The following ZCCHC7 variants were observed in gnomAD, a reference collection of about 807,000 sequenced individuals.
ZCCHC7 encodes the protein zinc finger CCHC-type containing 7, also known as zinc finger CCHC domain-containing protein 7.
In ZCCHC7, 35 loss-of-function variants were observed where a neutral mutation model predicts 52.0. The observed-to-expected ratio is 0.67, with a 90% CI of 0.51 to 0.89. ZCCHC7 has a LOEUF of 0.89. Ranked by LOEUF, ZCCHC7 falls within the 40% of genes least tolerant of loss-of-function variation. The pLI is 0.00. For missense variants in ZCCHC7, 574 were observed against 649.1 expected (o/e 0.88, Z 1.26); for synonymous variants, 217 against 221.5 (o/e 0.98, Z 0.18).
chr9:37,174,078 G>A (rs1821883734), intron 2 of ZCCHC7, among the ~76,000 whole-genome samples: 1 of 152,186 alleles, frequency 6.6e-6, no homozygotes, highest in African/African-American at 2.4e-5. Flanking sequence ...TTGGGAGGCT[G>A]AGGCGGGCAG....
At chr9:37,212,510 C>T (rs1364023593) in intron 2 of ZCCHC7, among the ~76,000 whole-genome samples, 1 of 151,918 alleles carries the variant, frequency 6.6e-6, no homozygotes, top group African/African-American at 2.4e-5. Context: ...CTTTCTTTTT[C>T]TCTTTCTCTT....
At chr9:37,160,583 G>C (rs1047708171) in intron 2 of ZCCHC7, among the ~76,000 whole-genome samples, 16 of 152,188 alleles carry the variant, frequency 1.1e-4, no homozygotes, top group African/African-American at 3.6e-4. Flanking sequence ...CCCAAATCTA[G>C]TTGTATGTCA....
At chr9:37,289,494 A>AC (rs1191473213) in intron 2 of ZCCHC7, among the ~76,000 whole-genome samples, 2 of 152,088 alleles carry the variant, frequency 1.3e-5, no homozygotes, top group East Asian at 3.9e-4. Context: ...TATTAGCTTT[A>AC]CCTCCAGATT....
chr9:37,198,487 C>T (rs1428405702), intron 2 of ZCCHC7, among the ~76,000 whole-genome samples: 1 of 152,224 alleles, frequency 6.6e-6, no homozygotes, highest in East Asian at 1.9e-4. Flanking sequence ...GTTATCCCTT[C>T]CTCTGAGCCT....
intron 2 of ZCCHC7, among the ~76,000 whole-genome samples, chr9:37,184,505 T>G (rs1354149965): frequency 1.3e-5 from 2 of 152,138 alleles, no homozygotes; most frequent in East Asian, 1.9e-4. Context: ...TCTCCTGATC[T>G]CTTATCCTGA....
chr9:37,198,609 G>A (rs191704119), intron 2 of ZCCHC7, among the ~76,000 whole-genome samples: 1 of 152,302 alleles, frequency 6.6e-6, no homozygotes, highest in East Asian at 1.9e-4. Context: ...AGTGGAAAGT[G>A]TTAGGTGCCA....
chr9:37,228,293 A>G (rs1239286476), intron 2 of ZCCHC7, among the ~76,000 whole-genome samples: 1 of 152,204 alleles, frequency 6.6e-6, no homozygotes, highest in Non-Finnish European at 1.5e-5. Flanking sequence ...CTGTACCTTA[A>G]TTGTGTAGAT....
intron 6 of ZCCHC7, among the ~76,000 whole-genome samples, chr9:37,337,313 G>A (rs1200279745): frequency 6.6e-6 from 1 of 151,236 alleles, no homozygotes; most frequent in Non-Finnish European, 1.5e-5. Flanking sequence ...ATTTTGAAGA[G>A]ACTTATTCTC....
intron 2 of ZCCHC7, among the ~76,000 whole-genome samples, chr9:37,265,535 T>C (rs1021065916): frequency 5.3e-5 from 8 of 152,224 alleles, no homozygotes; most frequent in African/African-American, 1.7e-4. Flanking sequence ...CTTGTTTATG[T>C]TTCTCTGAAA....
intron 2 of ZCCHC7, among the ~76,000 whole-genome samples, chr9:37,240,058 T>A (rs571770760): frequency 5.3e-5 from 8 of 152,024 alleles, no homozygotes; most frequent in Admixed American, 2.0e-4. Flanking sequence ...AGAATAATGA[T>A]CAACATAAAA....
intron 2 of ZCCHC7, among the ~76,000 whole-genome samples, chr9:37,128,687 T>G (rs183462438): frequency 2.6e-5 from 4 of 152,348 alleles, no homozygotes; most frequent in Non-Finnish European, 4.4e-5. Context: ...CTGAAGGCTC[T>G]TAAGTTGGAA....
In ZCCHC7 at chr9:37,189,225, A is replaced by G. The variant is rs569459463; in HGVS notation, c.610+62283A>G. ...GTGGCTTTAAAGTCTTGGTCAGATA[A>G]ATCCATCATCTGCATTATTTCAGTG... On this transcript the variant is annotated intron_variant, in intron 2 of 8. Transcript: ENST00000336755. Among the ~76,000 whole-genome samples the G allele has an allele frequency of 9.9e-5, 15 of 151,756 alleles. 1 individual carries two copies. In the South Asian group the frequency reaches 2.9e-3, roughly 30 times the overall value.
At chr9:37,327,167 T>C (rs2118150779) in intron 5 of ZCCHC7, 1 of 152,310 alleles carries the variant, frequency 6.6e-6, no homozygotes, top group East Asian at 1.9e-4. Context: ...TCAATTAGTA[T>C]ATCTTTTACA....
At chr9:37,305,740 T>A in intron 5 of ZCCHC7, 26 bp downstream of exon 5, 1 of 1,609,156 alleles carries the variant, frequency 6.2e-7, no homozygotes. Context: ...ATAACTAATT[T>A]GTCAGGCTTT....
rs1316045333 is a variant in ZCCHC7 at position 37,354,021 on chromosome 9, A to G, written c.1084-689A>G. ...GATTTGGGAAATACTAGCTGGGTAG[A>G]GGCCAGAGTCATGAGAGTAGGAAGC... On this transcript the variant is annotated intron_variant, in intron 7 of 8. Transcript: ENST00000336755. The surrounding 1 kb of genome is among the most constrained non-coding windows in gnomAD (Gnocchi z 4.0). Among the ~76,000 whole-genome samples, 2 of 152,198 alleles carry G rather than the reference A, an allele frequency of 1.3e-5. No individual in the cohort carries two copies. The highest frequency in any genetic ancestry group is 2.4e-5 in the African/African-American group (1 of 41,440).
intron 2 of ZCCHC7, among the ~76,000 whole-genome samples, chr9:37,254,888 G>A (rs1826510178): frequency 9.5e-6 from 1 of 104,758 alleles, no homozygotes; most frequent in African/African-American, 3.7e-5. Context: ...ACCTGTTCTT[G>A]GAAATCTGTA....
intron 2 of ZCCHC7, among the ~76,000 whole-genome samples, chr9:37,286,665 G>A (rs1285161279): frequency 3.3e-5 from 5 of 151,206 alleles, no homozygotes; most frequent in African/African-American, 1.2e-4. Flanking sequence ...AAAGAAAGAA[G>A]GAAAGAAAAG....
intron 2 of ZCCHC7, among the ~76,000 whole-genome samples, chr9:37,195,553 G>A (rs181296204): frequency 1.3e-5 from 2 of 152,238 alleles, no homozygotes; most frequent in Non-Finnish European, 2.9e-5. Context: ...AATATGAAAT[G>A]TGGCATGGAA....
At chr9:37,233,326 C>T (rs1384204447) in intron 2 of ZCCHC7, among the ~76,000 whole-genome samples, 1 of 152,154 alleles carries the variant, frequency 6.6e-6, no homozygotes, top group Non-Finnish European at 1.5e-5. Flanking sequence ...TCATTTTCCT[C>T]AGCAAATTTT....
Sources: allele counts gnomAD v4.1 joint callset (sites outside exome capture counted in the v4.1 genomes callset), GRCh38; gene constraint gnomAD v4.1.1; non-coding constraint Gnocchi (gnomAD v3.1); transcripts MANE v1.5; gene names NCBI Gene and HGNC (gene_info 2026-07-23, HGNC 2026-07-21).